RUFY2: variants seen among roughly 807,000 people sequenced by gnomAD.
The protein encoded by RUFY2 is RUN and FYVE domain-containing protein 2.
A neutral mutation model predicts 94.4 loss-of-function variants in RUFY2; 49 were observed. The ratio of observed to expected loss-of-function variants is 0.52; its 90% CI spans 0.41 to 0.66. RUFY2 has a LOEUF of 0.66. RUFY2 is among the 30% of genes least tolerant of loss of function. The pLI is 0.00. For synonymous variants in RUFY2, 255 were observed against 235.7 expected (o/e 1.08, Z -0.75); for missense variants, 541 against 692.8 (o/e 0.78, Z 2.46).
At chr10:68,399,636 C>A (rs888484495) in intron 3 of RUFY2, among the ~76,000 whole-genome samples, 22 of 152,152 alleles carry the variant, frequency 1.4e-4, no homozygotes, top group African/African-American at 4.8e-4. Flanking sequence ...CCATATTCCC[C>A]ACAACATATA....
chr10:68,341,266 T>C, downstream of RUFY2: 7 of 1,606,690 alleles, frequency 4.4e-6, no homozygotes, highest in Non-Finnish European at 5.9e-6. Flanking sequence ...TTGTGACACA[T>C]GAAGATGCAG....
At chr10:68,354,765 A>C (rs1449523727) in intron 16 of RUFY2, among the ~76,000 whole-genome samples, 1 of 152,208 alleles carries the variant, frequency 6.6e-6, no homozygotes, top group African/African-American at 2.4e-5. Context: ...ATAGGAACTC[A>C]AGATTCTCAA....
At chr10:68,375,857 G>A (rs2048599511) in intron 13 of RUFY2, among the ~76,000 whole-genome samples, 1 of 152,150 alleles carries the variant, frequency 6.6e-6, no homozygotes, top group African/African-American at 2.4e-5. Context: ...TAGCACTCTG[G>A]GAGGCCAAGG....
chr10:68,404,726 G>A lies in RUFY2; in HGVS notation c.123C>T (p.Pro41=), dbSNP rs1356491408. ...TAACAACAAAGAATTGCTGCAAGGG[G>A]GGATAGTCAGAATCCAAAGTGCGGC... ...SFGRTLDSDY[P]PLQQFFVVME... Residue 41 remains proline (P), a synonymous_variant, in exon 2 of 18, where the codon CCC becomes CCT. Coordinates refer to ENST00000602465, the MANE Select transcript of RUFY2 (RefSeq NM_001330103.2). 2 of 1,613,008 alleles carry A rather than the reference G, an allele frequency of 1.2e-6. No homozygotes were observed. Among genetic ancestry groups the A allele is most frequent in the South Asian group, 1.1e-5 (1 of 90,850 alleles).
intron 17 of RUFY2, 24 bp from the exon 18 acceptor site, chr10:68,345,935 G>A: frequency 6.2e-7 from 1 of 1,610,206 alleles, no homozygotes; most frequent in Non-Finnish European, 8.5e-7. Context: ...AAATCAGAGG[G>A]AAAAAAACAC....
intron 16 of RUFY2, among the ~76,000 whole-genome samples, chr10:68,347,644 CCT>C (rs1414747502): frequency 1.3e-5 from 2 of 152,000 alleles, no homozygotes; most frequent in Non-Finnish European, 2.9e-5. Context: ...CCTTTTTTCC[CCT>C]GTGAAGGCAA....
At chr10:68,373,367 TAAAC>T (rs2048405790) in intron 13 of RUFY2, among the ~76,000 whole-genome samples, 1 of 152,110 alleles carries the variant, frequency 6.6e-6, no homozygotes, top group African/African-American at 2.4e-5. Context: ...AAAAACAAAT[TAAAC>T]AATAAAATGG....
intron 3 of RUFY2, among the ~76,000 whole-genome samples, chr10:68,398,551 C>T (rs1280069008): frequency 6.6e-6 from 1 of 152,056 alleles, no homozygotes; most frequent in Non-Finnish European, 1.5e-5. Context: ...ACTCGAGAGG[C>T]GGAGGCAGGA....
chr10:68,342,202 G>A (rs2046009373), downstream of RUFY2: 10 of 566,670 alleles, frequency 1.8e-5, no homozygotes, highest in South Asian at 3.1e-4. Context: ...AACAGATTGT[G>A]ATGGGAAAAT....
intron 15 of RUFY2, among the ~76,000 whole-genome samples, chr10:68,360,107 A>T (rs2047355914): frequency 6.6e-6 from 1 of 151,922 alleles, no homozygotes; most frequent in Non-Finnish European, 1.5e-5. Context: ...TTGCAGGCGT[A>T]GCCACAGCAC....
intron 16 of RUFY2, among the ~76,000 whole-genome samples, chr10:68,347,536 G>A (rs1589753291): frequency 1.3e-5 from 2 of 152,064 alleles, no homozygotes; most frequent in East Asian, 1.9e-4. Context: ...CGCCCACTTC[G>A]GCCTCCCAAA....
At chr10:68,395,791 C>T (rs2050348840) in intron 4 of RUFY2, among the ~76,000 whole-genome samples, 1 of 152,126 alleles carries the variant, frequency 6.6e-6, no homozygotes, top group African/African-American at 2.4e-5. Context: ...GGGTGCTTAA[C>T]ATATGGTCAT....
At position 68,343,657 on chromosome 10, in the gene RUFY2, G is replaced by GTTAAGTCTGT. The variant is rs1554869684; in HGVS notation, c.*2101_*2110dup. The GTTAAGTCTGT allele has an allele frequency of 5.2e-5, 8 of 152,440 alleles. No individual in the cohort carries two copies. Among genetic ancestry groups the GTTAAGTCTGT allele is most frequent in the Non-Finnish European group, 1.2e-4 (8 of 67,980 alleles). The allele number at this position is 152,440 out of a possible 1,614,324, so 9.4% of individuals were successfully genotyped here. ...GTACTGCTAGGTGAGGGAATGGTAT[G>GTTAAGTCTGT]TTAAGTCTGTTTTTGAAAAGTAAAA... On this transcript the variant is annotated 3_prime_UTR_variant, in exon 18 of 18. Transcript: ENST00000602465.
chr10:68,348,792 C>T (rs1329931308), intron 16 of RUFY2, among the ~76,000 whole-genome samples: 5 of 152,174 alleles, frequency 3.3e-5, no homozygotes, highest in African/African-American at 1.2e-4. Context: ...CAGAGATGAG[C>T]ACCTGGAGCC....
At chr10:68,371,198 G>T (rs1378585633) in intron 13 of RUFY2, among the ~76,000 whole-genome samples, 1 of 151,058 alleles carries the variant, frequency 6.6e-6, no homozygotes, top group Non-Finnish European at 1.5e-5. Context: ...TCGGGAGGCC[G>T]TGTGATGGGT....
chr10:68,392,029 C>CTT lies in RUFY2; in HGVS notation c.650+1107_650+1108dup, dbSNP rs139099039. 3.6e-3 allele frequency among the ~76,000 whole-genome samples: 524 copies of CTT among 144,792 alleles called. 1 individual carries two copies. Among genetic ancestry groups the CTT allele is most frequent in the Non-Finnish European group, 5.5e-3 (359 of 65,718 alleles). The allele number at this position is 144,792 out of a possible 152,430, so 95.0% of individuals were successfully genotyped here. A position where few individuals can be genotyped will look rare whatever the true frequency, so the allele number is the denominator to read the frequency against. On this transcript the variant is annotated intron_variant, in intron 7 of 17. Coordinates refer to ENST00000602465, the MANE Select transcript of RUFY2 (RefSeq NM_001330103.2). ...TGCATCTCATATATTTCTTTCTTTT[C>CTT]TTTTTTTTTTTTGAGACGGAGTTTC...
At position 68,345,481 on chromosome 10, in the gene RUFY2, T is replaced by C. The variant is rs957651500; in HGVS notation, c.*287A>G. Reference sequence around the variant, plus strand: ...CAGAAGAAAAAAACAATCTGAAGCCTTATTTTTAAGGCCTTTACAAGATAA... The same window carrying C: ...CAGAAGAAAAAAACAATCTGAAGCCCTATTTTTAAGGCCTTTACAAGATAA... On this transcript the variant is annotated 3_prime_UTR_variant, in exon 18 of 18. Coordinates refer to ENST00000602465, the MANE Select transcript of RUFY2 (RefSeq NM_001330103.2). 4.9e-6 allele frequency: 2 copies of C among 406,518 alleles called. No individual in the cohort carries two copies. The highest frequency in any genetic ancestry group is 2.1e-5 in the African/African-American group (1 of 48,666). The allele number at this position is 406,518 out of a possible 1,614,324, so 25.2% of individuals were successfully genotyped here.
At chr10:68,386,003 T>C (rs1230994479) in intron 8 of RUFY2, 56 bp downstream of exon 8, 3 of 1,182,424 alleles carry the variant, frequency 2.5e-6, no homozygotes, top group Non-Finnish European at 3.7e-6. Context: ...ATACTTAAAA[T>C]GGAAAAGGAT....
intron 15 of RUFY2, among the ~76,000 whole-genome samples, chr10:68,359,580 TATAA>T (rs2047316341): frequency 3.4e-5 from 5 of 146,754 alleles, no homozygotes; most frequent in South Asian, 2.1e-4. Flanking sequence ...TACTACTATA[TATAA>T]ATATACATAG....
Sources: allele counts gnomAD v4.1 joint callset (sites outside exome capture counted in the v4.1 genomes callset), GRCh38; gene constraint gnomAD v4.1.1; transcripts MANE v1.5; gene names NCBI Gene and HGNC (gene_info 2026-07-23, HGNC 2026-07-21).